Variants in LGR6 observed in about 807,000 individuals in gnomAD.
LGR6 encodes leucine rich repeat containing G protein-coupled receptor 6, also known as leucine-rich repeat-containing G protein-coupled receptor 6.
In LGR6, 45 loss-of-function variants were observed where a neutral mutation model predicts 69.4. The ratio of observed to expected loss-of-function variants is 0.65; its 90% CI spans 0.51 to 0.83. The LOEUF (loss-of-function observed/expected upper bound fraction) is 0.83. Among genes scored for constraint, LGR6 ranks in the 40% least tolerant of loss-of-function variants. The pLI is 0.00. For synonymous variants in LGR6, 538 were observed against 555.0 expected, an observed-to-expected ratio of 0.97 and a Z score of 0.43; for missense variants, 1,108 against 1,246.7, an observed-to-expected ratio of 0.89 and a Z score of 1.68.
At chr1:202,225,552 A>T in intron 2 of LGR6, 58 bp downstream of exon 2, 1 of 1,462,116 alleles carries the variant, frequency 6.8e-7, no homozygotes, top group South Asian at 1.1e-5. Context: ...ATATCTCTGG[A>T]ACCAGAGCTC....
chr1:202,280,453 G>C (rs1413813557), intron 5 of LGR6, among the ~76,000 whole-genome samples: 1 of 152,180 alleles, frequency 6.6e-6, no homozygotes, highest in Non-Finnish European at 1.5e-5. Context: ...CATAGAAGAA[G>C]CCTCAGACTT....
At chr1:202,208,127 G>A (rs1365579590) in intron 1 of LGR6, among the ~76,000 whole-genome samples, 1 of 152,138 alleles carries the variant, frequency 6.6e-6, no homozygotes, top group Non-Finnish European at 1.5e-5. Context: ...CTGGAGGAAG[G>A]AGGTGCTTCC....
rs1372611984 is a variant in LGR6, at chr1:202,318,162, C to T, written c.1859C>T (p.Ser620Leu). ...GGCATTTCCTGTGGCCTTCTAGCCT[C>T]AGTCGATGCCCTGACCTTTGGTCAG... ...LTGISCGLLASVDALTFGQFS... is the reference protein window; with the variant it reads ...LTGISCGLLALVDALTFGQFS... The change falls in exon 18 of 18, where the codon TCA becomes TTA. Residue 620 changes from serine to leucine, a missense_variant. Ser to Leu is a moderately radical substitution (Grantham distance 145). Transcript: ENST00000367278. 6.2e-7 allele frequency: 1 copy of T among 1,613,834 alleles called. No individual in the cohort carries two copies. The highest frequency in any genetic ancestry group is 8.5e-7 in the Non-Finnish European group (1 of 1,180,038).
intron 12 of LGR6, 127 bp downstream of exon 12, chr1:202,305,876 T>G (rs1653134713): frequency 1.3e-6 from 1 of 798,020 alleles, no homozygotes; most frequent in Non-Finnish European, 2.1e-6. Flanking sequence ...TTCTCTTTTC[T>G]GAGTTTGTTT....
intron 6 of LGR6, among the ~76,000 whole-genome samples, chr1:202,286,758 C>T (rs1349853353): frequency 1.3e-5 from 2 of 152,108 alleles, no homozygotes; most frequent in Non-Finnish European, 2.9e-5. Flanking sequence ...TGGCTTCCCC[C>T]GCAGAACCAC....
Position 202,310,190 on chromosome 1 carries a change from C to T in LGR6, c.1407-7C>T. ...GGCAGCCAATCAGCCTGCCTCTCCC[C>T]CACCAGGATCCTGGAGGTGCCTTAT... On this transcript the variant is annotated splice_region_variant and splice_polypyrimidine_tract_variant and intron_variant, in intron 15 of 17. Coordinates refer to ENST00000367278, the MANE Select transcript of LGR6 (RefSeq NM_001017403.2). 1.9e-6 allele frequency: 3 copies of T among 1,613,374 alleles called. No individual in the cohort carries two copies. The highest frequency in any genetic ancestry group is 2.5e-6 in the Non-Finnish European group (3 of 1,179,632).
intron 4 of LGR6, among the ~76,000 whole-genome samples, chr1:202,254,763 G>A (rs1663614373): frequency 6.6e-6 from 1 of 152,156 alleles, no homozygotes; most frequent in Admixed American, 6.5e-5. Context: ...GGTAGAATAG[G>A]AGTTGAACTG....
chr1:202,212,590 C>T (rs1478541102), intron 1 of LGR6, among the ~76,000 whole-genome samples: 3 of 152,238 alleles, frequency 2.0e-5, no homozygotes, highest in African/African-American at 7.2e-5. Context: ...TCACTCCAAT[C>T]TCTGCCTCTG....
chr1:202,200,836 C>G (rs900779783), intron 1 of LGR6, among the ~76,000 whole-genome samples: 2 of 152,138 alleles, frequency 1.3e-5, no homozygotes, highest in African/African-American at 2.4e-5. Flanking sequence ...AGCAAAAGGA[C>G]ATGGTGGGGG....
intron 4 of LGR6, among the ~76,000 whole-genome samples, chr1:202,269,062 G>C (rs1031989128): frequency 6.6e-6 from 1 of 152,058 alleles, no homozygotes; most frequent in Non-Finnish European, 1.5e-5. Flanking sequence ...GTGCCACCAT[G>C]CCTGGCTAAC....
intron 3 of LGR6, among the ~76,000 whole-genome samples, chr1:202,234,250 A>G (rs1661333748): frequency 6.6e-6 from 1 of 152,144 alleles, no homozygotes; most frequent in Non-Finnish European, 1.5e-5. Context: ...GGGGTGGCAA[A>G]GAGGAACCTA....
chr1:202,208,293 C>G (rs1659330922), intron 1 of LGR6, among the ~76,000 whole-genome samples: 1 of 152,026 alleles, frequency 6.6e-6, no homozygotes, highest in African/African-American at 2.4e-5. Flanking sequence ...TCCTCTGATG[C>G]CTTTGGGTCT....
At chr1:202,261,689 C>T (rs1451523654) in intron 4 of LGR6, among the ~76,000 whole-genome samples, 1 of 152,214 alleles carries the variant, frequency 6.6e-6, no homozygotes, top group Admixed American at 6.5e-5. Flanking sequence ...AACTAGTTTA[C>T]AGTCCCACCA....
At chr1:202,280,891 G>T (rs756192506) in intron 6 of LGR6, 39 bp downstream of exon 6, 5 of 1,574,710 alleles carry the variant, frequency 3.2e-6, no homozygotes, top group African/African-American at 1.3e-5. Flanking sequence ...GTCCTGCCTG[G>T]TGATGAAAGC....
At position 202,239,625 on chromosome 1, in the gene LGR6, C is replaced by G. The variant is rs182581954; in HGVS notation, c.428+3632C>G. Among the ~76,000 whole-genome samples the G allele has an allele frequency of 3.3e-5, 5 of 152,152 alleles. No homozygotes were observed. In the East Asian group the frequency reaches 9.7e-4, roughly 29 times the overall value. On this transcript the variant is annotated intron_variant, in intron 4 of 17. Coordinates refer to ENST00000367278, the MANE Select transcript of LGR6 (RefSeq NM_001017403.2). ...GGTGGGGAAGTCAGTGAAGAGGCTC[C>G]TAAACCAAGGCAGCATGTTAGTGGC... is the stretch of plus-strand genomic sequence containing the variant.
chr1:202,265,527 G>T (rs1391850947), intron 4 of LGR6, among the ~76,000 whole-genome samples: 2 of 152,336 alleles, frequency 1.3e-5, no homozygotes, highest in East Asian at 3.9e-4. Context: ...GTATGTGGGG[G>T]TGGGCAGGAA....
chr1:202,314,697 G>C (rs1268243334), intron 16 of LGR6, 105 bp from the exon 17 acceptor site: 2 of 802,050 alleles, frequency 2.5e-6, no homozygotes, highest in African/African-American at 3.4e-5. Flanking sequence ...ACAGTGCTGA[G>C]CAGAGTTAGT....
intron 4 of LGR6, among the ~76,000 whole-genome samples, chr1:202,245,574 A>G (rs1261245926): frequency 2.0e-5 from 3 of 152,078 alleles, no homozygotes; most frequent in Admixed American, 2.0e-4. Context: ...TTGGGCCAGA[A>G]TGTTCTCCTC....
intron 17 of LGR6, among the ~76,000 whole-genome samples, chr1:202,315,392 A>G (rs1189505579): frequency 1.3e-5 from 2 of 152,238 alleles, no homozygotes; most frequent in African/African-American, 2.4e-5. Flanking sequence ...TTACAGCACC[A>G]TCTAACGCTT....
Sources: allele counts gnomAD v4.1 joint callset (sites outside exome capture counted in the v4.1 genomes callset), GRCh38; gene constraint gnomAD v4.1.1; transcripts MANE v1.5; gene names NCBI Gene and HGNC (gene_info 2026-07-23, HGNC 2026-07-21).